The following ARMC6 variants were observed in gnomAD, a reference collection of about 807,000 sequenced individuals.
The protein encoded by ARMC6 is armadillo repeat-containing protein 6.
ARMC6 carries 43 observed loss-of-function variants against 49.2 expected under a neutral mutation model. That is an observed-to-expected ratio of 0.87 (90% CI 0.69 to 1.13). ARMC6 has a LOEUF of 1.13. Among genes scored for constraint, ARMC6 ranks in the 50% most tolerant of loss-of-function variants. The pLI is 0.00. For synonymous variants in ARMC6, 262 were observed against 289.6 expected (o/e 0.90, Z 0.97); for missense variants, 627 against 682.0 (o/e 0.92, Z 0.90).
rs572026903 is a variant in ARMC6, at chr19:19,055,681, A to T, written c.1156-110A>T. 1.1e-5 allele frequency: 16 copies of T among 1,439,090 alleles called. No homozygotes were observed. The South Asian group carries it at 2.1e-4, about 19-fold the overall frequency. 89.1% of individuals were successfully genotyped at this position (1,439,090 alleles called of 1,614,324 possible). On this transcript the variant is annotated intron_variant, in intron 7 of 8. Transcript: ENST00000535612. This position sits in a 1 kb window ranked among gnomAD's most constrained non-coding sequence, Gnocchi z 5.7. ...CATTATTACACAGGAGTTGCCAGAG[A>T]CCCACGGAGGGGAGGCCGCAGGGTG...
At chr19:19,056,690 T>C (rs1262699690) in intron 8 of ARMC6, among the ~76,000 whole-genome samples, 1 of 152,142 alleles carries the variant, frequency 6.6e-6, no homozygotes, top group Non-Finnish European at 1.5e-5. Flanking sequence ...GAGTTCTGAG[T>C]GTGGGACACC....
intron 4 of ARMC6, among the ~76,000 whole-genome samples, chr19:19,048,566 A>G (rs1380407788): frequency 6.6e-6 from 1 of 152,170 alleles, no homozygotes; most frequent in Non-Finnish European, 1.5e-5. Context: ...CTAAAGACCT[A>G]GAATCAATAG....
chr19:19,052,278 G>A (rs2059504476), intron 5 of ARMC6, 83 bp downstream of exon 5: 1 of 1,319,906 alleles, frequency 7.6e-7, no homozygotes, highest in Non-Finnish European at 1.0e-6. Context: ...GCTCAGGACT[G>A]CTTTAGGCAC....
At chr19:19,040,821 G>C (rs1240812187) in intron 2 of ARMC6, 1 of 421,606 alleles carries the variant, frequency 2.4e-6, no homozygotes, top group Non-Finnish European at 4.7e-6. Context: ...CCCAGATTTT[G>C]ATTTTGATAT....
intron 4 of ARMC6, among the ~76,000 whole-genome samples, chr19:19,051,353 G>A (rs971415755): frequency 2.7e-5 from 4 of 148,898 alleles, no homozygotes; most frequent in African/African-American, 1.0e-4. Flanking sequence ...ACACTGAGTT[G>A]TCTGGATCTC....
In ARMC6 at chr19:19,054,138, C is replaced by G; in HGVS notation, c.854-14C>G. Reference sequence around the variant, plus strand: ...TCTTCCCGCCCCCACCACCGTCTCCCTTTCTCCCTGCAGCGTTCCTGGATA... The same window carrying G: ...TCTTCCCGCCCCCACCACCGTCTCCGTTTCTCCCTGCAGCGTTCCTGGATA... On this transcript the variant is annotated splice_polypyrimidine_tract_variant and intron_variant, in intron 5 of 8. Transcript: ENST00000535612. 2 of 1,534,674 alleles carry G rather than the reference C, an allele frequency of 1.3e-6. No homozygotes were observed. The highest frequency in any genetic ancestry group is 1.8e-6 in the Non-Finnish European group (2 of 1,139,978).
At chr19:19,045,510 A>T in intron 4 of ARMC6, among the ~76,000 whole-genome samples, 1 of 6,080 alleles carries the variant, frequency 1.6e-4, no homozygotes, top group Non-Finnish European at 3.7e-4. Flanking sequence ...TTTTTGAGAC[A>T]AGAGTCTCAC....
chr19:19,047,029 T>C (rs1284835548), intron 4 of ARMC6, among the ~76,000 whole-genome samples: 3 of 144,834 alleles, frequency 2.1e-5, no homozygotes, highest in Non-Finnish European at 3.0e-5. Flanking sequence ...TCTCGGCTCA[T>C]TGCAACCTCC....
At chr19:19,046,518 G>A (rs1157759976) in intron 4 of ARMC6, among the ~76,000 whole-genome samples, 1 of 144,654 alleles carries the variant, frequency 6.9e-6, no homozygotes, top group Non-Finnish European at 1.5e-5. Context: ...TTTTTGAGAT[G>A]GAGTCTCACT....
intron 3 of ARMC6, 119 bp downstream of exon 3, chr19:19,042,996 TTG>T: frequency 9.0e-7 from 1 of 1,113,350 alleles, no homozygotes; most frequent in Non-Finnish European, 1.3e-6. Flanking sequence ...CCAGGTGCCA[TTG>T]GGCCCTGTCC....
intron 4 of ARMC6, among the ~76,000 whole-genome samples, chr19:19,050,429 G>A (rs1395684979): frequency 6.6e-6 from 1 of 152,184 alleles, no homozygotes; most frequent in Non-Finnish European, 1.5e-5. Flanking sequence ...TTGCCCAGGC[G>A]AGTCTTGAAC....
intron 2 of ARMC6, chr19:19,040,587 G>A (rs1311898729): frequency 2.8e-5 from 7 of 247,680 alleles, no homozygotes; most frequent in Non-Finnish European, 5.0e-5. Context: ...CCAAGAGCTG[G>A]ATTCTTGGCC....
chr19:19,052,117 T>G lies in ARMC6; in HGVS notation c.775T>G (p.Phe259Val). 6.2e-7 allele frequency: 1 copy of G among 1,613,924 alleles called. No homozygotes were observed. The highest frequency in any genetic ancestry group is 2.2e-5 in the East Asian group (1 of 44,884). Residue 259 changes from phenylalanine (F) to valine (V), a missense_variant, in exon 5 of 9, where the codon TTT becomes GTT. Physicochemically the swap from Phe to Val is conservative, Grantham distance 50 (BLOSUM62 -1). Transcript: ENST00000535612. ...CTTCGATGACGACATCCGTGTGCCC[T>G]TTGGCCATGCCCACAACCATGCCAA... Reference protein sequence around the residue: ...MTFDDDIRVPFGHAHNHAKMI... With the variant: ...MTFDDDIRVPVGHAHNHAKMI...
chr19:19,041,540 G>T (rs1275403047), intron 2 of ARMC6, among the ~76,000 whole-genome samples: 6 of 152,052 alleles, frequency 3.9e-5, no homozygotes, highest in South Asian at 2.1e-4. Flanking sequence ...GCAGAGATGG[G>T]ATTTCACCAT....
At chr19:19,039,778 A>G (rs1369496005) in intron 2 of ARMC6, among the ~76,000 whole-genome samples, 1 of 152,048 alleles carries the variant, frequency 6.6e-6, no homozygotes, top group African/African-American at 2.4e-5. Context: ...CATTTTATCC[A>G]TTCATCTGTT....
intron 2 of ARMC6, chr19:19,039,183 G>A (rs4808179): frequency 0.83 from 189,999 of 227,852 alleles, 79,577 homozygotes; most frequent in African/African-American, 0.9. Flanking sequence ...CATCCAGACC[G>A]GAGTGCAGTG....
chr19:19,052,301 G>C (rs1364725598), intron 5 of ARMC6, 106 bp downstream of exon 5: 3 of 1,078,186 alleles, frequency 2.8e-6, no homozygotes, highest in Non-Finnish European at 3.9e-6. Context: ...CAGGCTCAAG[G>C]CTCCACTCGC....
At chr19:19,054,082 C>T in intron 5 of ARMC6, 70 bp from the exon 6 acceptor site, 3 of 1,423,124 alleles carry the variant, frequency 2.1e-6, no homozygotes, top group Non-Finnish European at 2.8e-6. Flanking sequence ...GGAGCAGGAT[C>T]TCCACCAAAA....
Position 19,057,442 on chromosome 19 carries a change from C to T in ARMC6, c.1320C>T (p.Asn440=). The T allele has an allele frequency of 2.5e-6, 4 of 1,613,664 alleles. No homozygotes were observed. Among genetic ancestry groups the T allele is most frequent in the Non-Finnish European group, 3.4e-6 (4 of 1,180,002 alleles). Residue 440 remains asparagine (N), a synonymous_variant, in exon 9 of 9, where the codon AAC becomes AAT. Coordinates refer to ENST00000535612, the MANE Select transcript of ARMC6 (RefSeq NM_001199196.2). ...AACAGGCTTGCATGCTGATCCGAAACCTGGTGGCCCACGGCCAGGCCTTCT... is the reference window on the plus strand; with the variant it reads ...AACAGGCTTGCATGCTGATCCGAAATCTGGTGGCCCACGGCCAGGCCTTCT... ...VQKQACMLIR[N]LVAHGQAFSK...
Sources: allele counts gnomAD v4.1 joint callset (sites outside exome capture counted in the v4.1 genomes callset), GRCh38; gene constraint gnomAD v4.1.1; non-coding constraint Gnocchi (gnomAD v3.1); transcripts MANE v1.5; gene names NCBI Gene and HGNC (gene_info 2026-07-23, HGNC 2026-07-21).